MICU2: variants seen among roughly 807,000 people sequenced by gnomAD.
The protein encoded by MICU2 is mitochondrial calcium uptake 2.
A neutral mutation model predicts 60.4 loss-of-function variants in MICU2; 64 were observed. The ratio of observed to expected loss-of-function variants is 1.06; its 90% confidence interval spans 0.87 to 1.31. MICU2 has a LOEUF of 1.31. Ranked by LOEUF, MICU2 falls within the 50% of genes most tolerant of loss-of-function variation. The pLI, the probability that MICU2 is intolerant of heterozygous loss-of-function variation, is 0.00. For missense variants in MICU2, 569 were observed against 531.0 expected (o/e 1.07, Z -0.70); for synonymous variants, 201 against 175.0 (o/e 1.15, Z -1.17).
rs78838317 is a variant in MICU2 at position 21,603,718 on chromosome 13, G to A, written c.210+221C>T. ...GCGTCCGCGGGGTTCTCCCAAGGGA[G>A]GCAGAATCTCCGGTCACCAGCCTCG... On this transcript the variant is annotated intron_variant, in intron 1 of 11. Transcript: ENST00000382374. The A allele has an allele frequency of 9.1e-4, 521 of 574,640 alleles. 3 individuals carry two copies. Among genetic ancestry groups the A allele is most frequent in the African/African-American group, 7.7e-3 (387 of 50,254 alleles). The allele number at this position is 574,640 out of a possible 1,614,324, so 35.6% of individuals were successfully genotyped here.
intron 1 of MICU2, among the ~76,000 whole-genome samples, chr13:21,579,637 C>T (rs374057681): frequency 1.3e-5 from 2 of 152,124 alleles, no homozygotes; most frequent in African/African-American, 2.4e-5. Flanking sequence ...CCACCACGCC[C>T]GACTCAAAGC....
intron 9 of MICU2, among the ~76,000 whole-genome samples, chr13:21,499,483 C>T (rs1886089257): frequency 6.6e-6 from 1 of 151,810 alleles, no homozygotes; most frequent in African/African-American, 2.4e-5. Flanking sequence ...AATCTCGGCT[C>T]CCTGCAAACT....
intron 2 of MICU2, among the ~76,000 whole-genome samples, chr13:21,563,303 A>C (rs2138035379): frequency 6.6e-6 from 1 of 152,038 alleles, no homozygotes; most frequent in African/African-American, 2.4e-5. Context: ...AAAATACAAA[A>C]AATTAGTCGG....
chr13:21,532,233 T>G (rs1379694550), intron 4 of MICU2, among the ~76,000 whole-genome samples: 2 of 152,222 alleles, frequency 1.3e-5, no homozygotes, highest in African/African-American at 4.8e-5. Flanking sequence ...TCTTCAAATC[T>G]CTTTACGTTC....
chr13:21,525,174 T>C (rs1370907174), intron 4 of MICU2, among the ~76,000 whole-genome samples: 1 of 147,582 alleles, frequency 6.8e-6, no homozygotes, highest in African/African-American at 2.5e-5. Flanking sequence ...TAATGCTGTG[T>C]AATTCAATTT....
intron 4 of MICU2, chr13:21,531,131 T>C (rs1252631029): frequency 1.1e-6 from 1 of 915,326 alleles, no homozygotes; most frequent in Non-Finnish European, 1.8e-6. Context: ...TTGCCTTTCT[T>C]GTGGTTATCT....
chr13:21,549,722 T>C (rs1887505341), intron 2 of MICU2, among the ~76,000 whole-genome samples: 1 of 152,236 alleles, frequency 6.6e-6, no homozygotes, highest in South Asian at 2.1e-4. Flanking sequence ...GGTGTCTCTC[T>C]AAACGCCTTA....
chr13:21,546,955 C>G (rs183190574), intron 2 of MICU2, among the ~76,000 whole-genome samples: 214 of 152,282 alleles, frequency 1.4e-3, no homozygotes, highest in Non-Finnish European at 2.5e-3. Context: ...TTATTTCTCT[C>G]TTTTAAATGT....
In MICU2 at chr13:21,492,712, T is replaced by C. The variant is rs1241977318; in HGVS notation, c.*537A>G. On this transcript the variant is annotated 3_prime_UTR_variant, in exon 12 of 12. Transcript: ENST00000382374. ...AGTATTTTTTGTATCTATGTAAATA[T>C]TTTATTCTGCTTCCAGATAGAACAT... 1 of 152,368 alleles carries C rather than the reference T, an allele frequency of 6.6e-6. No individual in the cohort carries two copies. The highest frequency in any genetic ancestry group is 1.5e-5 in the Non-Finnish European group (1 of 68,042). The allele number at this position is 152,368 out of a possible 1,614,324, so 9.4% of individuals were successfully genotyped here. A position where few individuals can be genotyped will look rare whatever the true frequency, so the allele number is the denominator to read the frequency against.
Position 21,550,443 on chromosome 13 carries a change from TA to T in MICU2, c.359-10756del, listed in dbSNP as rs574852573. Among the ~76,000 whole-genome samples the T allele has an allele frequency of 4.6e-5, 7 of 152,164 alleles. No homozygotes were observed. The East Asian group carries it at 1.2e-3, about 25-fold the overall frequency. On this transcript the variant is annotated intron_variant, in intron 2 of 11. Coordinates refer to ENST00000382374, the MANE Select transcript of MICU2 (RefSeq NM_152726.3). ...GTCCCAGCTACTTCGGAGACTGAGA[TA>T]GGGGGATTGCTGGAACCCAGGAGGT...
intron 4 of MICU2, among the ~76,000 whole-genome samples, chr13:21,525,559 C>A (rs182333398): frequency 2.6e-4 from 40 of 151,992 alleles, no homozygotes; most frequent in African/African-American, 8.9e-4. Context: ...CAAATTCCCA[C>A]CAAATTTCTC....
chr13:21,561,451 T>C (rs1005053391), intron 2 of MICU2, among the ~76,000 whole-genome samples: 5 of 152,164 alleles, frequency 3.3e-5, no homozygotes, highest in Admixed American at 1.3e-4. Flanking sequence ...TGCAGTTCTA[T>C]CAGTTTTTGC....
intron 4 of MICU2, among the ~76,000 whole-genome samples, chr13:21,523,338 C>T (rs1205715344): frequency 3.3e-5 from 5 of 152,158 alleles, no homozygotes; most frequent in African/African-American, 1.2e-4. Context: ...GAAGCTGGCT[C>T]GCAAATAACA....
intron 1 of MICU2, among the ~76,000 whole-genome samples, chr13:21,589,339 T>A (rs566882559): frequency 3.3e-5 from 5 of 152,314 alleles, no homozygotes; most frequent in South Asian, 2.1e-4. Flanking sequence ...ATACCATACA[T>A]CCGTAGGTTG....
chr13:21,584,700 TTAA>T (rs1253693090), intron 1 of MICU2, among the ~76,000 whole-genome samples: 13 of 152,164 alleles, frequency 8.5e-5, no homozygotes, highest in African/African-American at 1.7e-4. Flanking sequence ...CTGAAAACAT[TTAA>T]TAATGTTATT....
At chr13:21,496,235 C>A in intron 9 of MICU2, 75 bp from the exon 10 acceptor site, 1 of 1,113,258 alleles carries the variant, frequency 9.0e-7, no homozygotes, top group Non-Finnish European at 1.3e-6. Context: ...TATGAACTTT[C>A]TTTTCTACCG....
At chr13:21,512,879 A>T (rs1886467079) in intron 7 of MICU2, among the ~76,000 whole-genome samples, 1 of 152,052 alleles carries the variant, frequency 6.6e-6, no homozygotes, top group African/African-American at 2.4e-5. Flanking sequence ...CATCTACTTG[A>T]ATTAATTTTT....
At chr13:21,507,930 T>C (rs1409806466) in intron 8 of MICU2, among the ~76,000 whole-genome samples, 2 of 151,390 alleles carry the variant, frequency 1.3e-5, no homozygotes, top group South Asian at 2.1e-4. Flanking sequence ...CTTTCTCTCT[T>C]TCTTTCTTTC....
At chr13:21,537,959 C>G (rs1887175358) in intron 4 of MICU2, among the ~76,000 whole-genome samples, 1 of 152,154 alleles carries the variant, frequency 6.6e-6, no homozygotes, top group Admixed American at 6.5e-5. Flanking sequence ...TGAAGACAAT[C>G]CCTTCTTTCC....
Sources: gnomAD v4.1 joint callset for allele counts (sites outside exome capture counted in the v4.1 genomes callset) on GRCh38, gnomAD v4.1.1 for gene constraint, MANE v1.5 for transcripts, NCBI Gene and HGNC (gene_info 2026-07-23, HGNC 2026-07-21) for gene names.